The following MICALL2 variants were observed in gnomAD, a reference collection of about 807,000 sequenced individuals.
The protein encoded by MICALL2 is MICAL like 2.
Under a neutral mutation model 91.1 loss-of-function variants are expected in MICALL2, and 111 were observed. The observed-to-expected ratio is 1.22, with a 90% CI of 1.04 to 1.43. The LOEUF is 1.43. MICALL2 is among the 40% of genes most tolerant of loss of function. The pLI, the probability that MICALL2 is intolerant of heterozygous loss-of-function variation, is 0.00. For synonymous variants in MICALL2, 694 were observed against 525.3 expected (o/e 1.32, Z -4.39); for missense variants, 1,556 against 1,236.0 (o/e 1.26, Z -3.88).
In MICALL2 at chr7:1,438,133, C is replaced by T. The variant is rs200579488; in HGVS notation, c.2275G>A (p.Val759Met). The T allele has an allele frequency of 2.9e-3, 4,525 of 1,561,544 alleles. 8 individuals are homozygous for T. The highest frequency in any genetic ancestry group is 3.4e-3 in the Non-Finnish European group (3,912 of 1,153,566). The change falls in exon 12 of 17, where the codon GTG (valine) becomes ATG (methionine). Residue 759 changes from valine to methionine, a missense_variant. Coordinates refer to ENST00000297508, the MANE Select transcript of MICALL2 (RefSeq NM_182924.4). ...RRLDALELRG[V>M]ELEKRLRAAE... ...GCCCGCAGTCGCTTCTCCAGCTCCA[C>T]GCCGCGGAGCTCCAGGGCGTCCAGC...
chr7:1,438,390 C>T (rs768459553), intron 10 of MICALL2, 37 bp from the exon 11 acceptor site: 1 of 1,574,362 alleles, frequency 6.4e-7, no homozygotes, highest in South Asian at 1.2e-5. Flanking sequence ...GGGACCTGGG[C>T]CACCAGGCCC....
intron 9 of MICALL2, chr7:1,439,598 C>T (rs1430052722): frequency 1.5e-5 from 4 of 270,442 alleles, no homozygotes; most frequent in African/African-American, 1.1e-4. Flanking sequence ...CATGAATACA[C>T]ATGCATCACA....
At chr7:1,437,686 C>A in intron 13 of MICALL2, 78 bp from the exon 14 acceptor site, 1 of 1,438,864 alleles carries the variant, frequency 6.9e-7, no homozygotes, top group Admixed American at 2.0e-5. Context: ...GCAACGAGGT[C>A]CTGGACCTGC....
Position 1,459,444 on chromosome 7 carries a change from G to C in MICALL2, c.-118C>G. On this transcript the variant is annotated 5_prime_UTR_variant, in exon 1 of 17. Transcript: ENST00000297508. ...ACCGCTACGGAACCGCCAGACCCAC[G>C]GCGCCCAGCCCCAGCTGAGCCGGAC... The C allele has an allele frequency of 1.0e-5, 10 of 1,004,602 alleles. No homozygotes were observed. In the East Asian group the frequency reaches 1.4e-4, roughly 14 times the overall value. 62.2% of individuals were successfully genotyped at this position (1,004,602 alleles called of 1,614,324 possible). A position where few individuals can be genotyped will look rare whatever the true frequency, so the allele number is the denominator to read the frequency against.
At chr7:1,458,368 G>A (rs557552616) in intron 1 of MICALL2, among the ~76,000 whole-genome samples, 7 of 152,328 alleles carry the variant, frequency 4.6e-5, no homozygotes, top group Non-Finnish European at 8.8e-5. Context: ...TGCCCAGAAG[G>A]TGCCTGGGCT....
Position 1,459,318 on chromosome 7 carries a change from GGCC to G in MICALL2, c.6_8del (p.Ala3del). On this transcript the variant is annotated inframe_deletion, in exon 1 of 17. Coordinates refer to ENST00000297508, the MANE Select transcript of MICALL2 (RefSeq NM_182924.4). ...GGCACCACTGTTGCAGCGCCCTGAT[GGCC>G]GCCATGTGGGCGGCGCGCCCGCCGC... 6.4e-7 allele frequency: 1 copy of G among 1,552,112 alleles called. No homozygotes were observed. Among genetic ancestry groups the G allele is most frequent in the Non-Finnish European group, 8.7e-7 (1 of 1,152,290 alleles).
At chr7:1,454,070 G>A (rs1356422577) in intron 1 of MICALL2, among the ~76,000 whole-genome samples, 4 of 151,802 alleles carry the variant, frequency 2.6e-5, no homozygotes, top group African/African-American at 4.8e-5. Flanking sequence ...CTGCCCCGGC[G>A]CCTCTGGGGG....
chr7:1,434,611 G>C lies in MICALL2; in HGVS notation c.2700C>G (p.Ser900Arg), dbSNP rs1457142972. Residue 900 changes from serine (S) to arginine (R), a missense_variant, in exon 17 of 17, where the codon AGC becomes AGG. Physicochemically the swap from Ser to Arg is moderately radical, Grantham distance 110. Coordinates refer to ENST00000297508, the MANE Select transcript of MICALL2 (RefSeq NM_182924.4). ...LSKIWSPKSKSSPSQ is the reference protein window; with the variant it reads ...LSKIWSPKSKRSPSQ ...CTACTGGCTACTACTGGGAGGGGCT[G>C]CTTTTGCTTTTTGGTGACCAGATCT... 6.3e-7 allele frequency: 1 copy of C among 1,591,362 alleles called. No homozygotes were observed. Among genetic ancestry groups the C allele is most frequent in the Non-Finnish European group, 8.5e-7 (1 of 1,173,166 alleles).
chr7:1,446,741 C>A lies in MICALL2; in HGVS notation c.613G>T (p.Gly205Trp). The stretch of plus-strand genomic sequence containing the variant: ...AAGCAGCTCCGGTGGTAAAGCCTCC[C>A]GTCGGCCAGGTGCCGCTGTACCAGG... The part of the protein sequence containing the change: ...VHLVQRHLAD[G>W]RLYHRSCFRC... Residue 205 changes from glycine to tryptophan, a missense_variant, in exon 5 of 17, where the codon GGG becomes TGG. Physicochemically the swap from Gly to Trp is radical, Grantham distance 184. Coordinates refer to ENST00000297508, the MANE Select transcript of MICALL2 (RefSeq NM_182924.4). 1.2e-6 allele frequency: 2 copies of A among 1,606,004 alleles called. No individual in the cohort carries two copies. Among genetic ancestry groups the A allele is most frequent in the East Asian group, 4.5e-5 (2 of 44,624 alleles).
In MICALL2 at chr7:1,443,513, G is replaced by A. The variant is rs139137404; in HGVS notation, c.1419-1029C>T. 8.5e-5 allele frequency among the ~76,000 whole-genome samples: 13 copies of A among 152,354 alleles called. No individual in the cohort carries two copies. The East Asian group carries it at 2.5e-3, about 29-fold the overall frequency. On this transcript the variant is annotated intron_variant, in intron 6 of 16. Transcript: ENST00000297508. ...CCCTAAAAGTCATGTCCACTGGGAA[G>A]CTCAGAGTGTGACCTTATCTGTAAA...
At chr7:1,442,653 C>T (rs1443356846) in intron 6 of MICALL2, among the ~76,000 whole-genome samples, 169 bp from the exon 7 acceptor site, 3 of 148,182 alleles carry the variant, frequency 2.0e-5, no homozygotes, top group Non-Finnish European at 4.5e-5. Context: ...TTGCGCCAGG[C>T]CACCCCTCCG....
intron 15 of MICALL2, 135 bp downstream of exon 15, chr7:1,436,607 G>A (rs940493515): frequency 5.6e-5 from 27 of 481,190 alleles, no homozygotes; most frequent in Middle Eastern, 5.6e-4. Context: ...TGTGGCCCCT[G>A]GCTACTGTAC....
chr7:1,439,115 C>G, intron 9 of MICALL2, 120 bp from the exon 10 acceptor site: 2 of 779,252 alleles, frequency 2.6e-6, no homozygotes, highest in Non-Finnish European at 4.0e-6. Flanking sequence ...CCCTGGGCCT[C>G]CCGACTGGCA....
chr7:1,443,583 T>G (rs1163144777), intron 6 of MICALL2, among the ~76,000 whole-genome samples: 1 of 152,132 alleles, frequency 6.6e-6, no homozygotes, highest in Admixed American at 6.5e-5. Context: ...TCACGCTGGG[T>G]TAGGGTGGAC....
intron 14 of MICALL2, 61 bp downstream of exon 14, chr7:1,437,474 A>C: frequency 7.1e-7 from 1 of 1,416,448 alleles, no homozygotes; most frequent in Non-Finnish European, 9.3e-7. Context: ...CGGCCCCCAG[A>C]CATCCTGGGC....
chr7:1,440,225 C>A, intron 8 of MICALL2, 140 bp from the exon 9 acceptor site: 5 of 1,013,148 alleles, frequency 4.9e-6, no homozygotes, highest in Non-Finnish European at 7.1e-6. Flanking sequence ...AGCCCACTGA[C>A]TACACCTGCT....
Position 1,449,104 on chromosome 7 carries a change from C to T in MICALL2, c.193-343G>A, listed in dbSNP as rs919538528. Among the ~76,000 whole-genome samples the T allele has an allele frequency of 7.2e-5, 11 of 152,216 alleles. 1 individual carries two copies. The highest frequency in any genetic ancestry group is 2.6e-4 in the Admixed American group (4 of 15,290). The stretch of plus-strand genomic sequence containing the variant: ...GAAACAGCTCCCTCCAGAGGCAGGG[C>T]TGACATTGCTGAGCCCTCCCCGGGG... On this transcript the variant is annotated intron_variant, in intron 2 of 16. Transcript: ENST00000297508.
intron 1 of MICALL2, among the ~76,000 whole-genome samples, chr7:1,455,233 C>G (rs1780970385): frequency 6.6e-6 from 1 of 152,244 alleles, no homozygotes; most frequent in Non-Finnish European, 1.5e-5. Context: ...AAGGAGCCAG[C>G]CCATGGCAGA....
chr7:1,458,549 C>G (rs1217676423), intron 1 of MICALL2, among the ~76,000 whole-genome samples: 1 of 152,238 alleles, frequency 6.6e-6, no homozygotes, highest in Non-Finnish European at 1.5e-5. Flanking sequence ...CGGGCAGGGC[C>G]AGCTGCCCAG....
Sources: allele counts gnomAD v4.1 joint callset (sites outside exome capture counted in the v4.1 genomes callset), GRCh38; gene constraint gnomAD v4.1.1; transcripts MANE v1.5; gene names NCBI Gene and HGNC (gene_info 2026-07-23, HGNC 2026-07-21).